The following NALCN variants were observed in gnomAD, a reference collection of about 807,000 sequenced individuals.
The protein encoded by NALCN is sodium leak channel NALCN.
NALCN carries 111 observed loss-of-function variants against 225.3 expected under a neutral mutation model. That is an observed-to-expected ratio of 0.49 (90% CI 0.42 to 0.58). The LOEUF is 0.58. Among genes scored for constraint, NALCN ranks in the 20% least tolerant of loss-of-function variants. NALCN has a pLI of 0.00. For synonymous variants in NALCN, 764 were observed against 769.0 expected, an observed-to-expected ratio of 0.99 and a Z score of 0.11; for missense variants, 1,378 against 2,202.4, an observed-to-expected ratio of 0.63 and a Z score of 7.49.
intron 17 of NALCN, among the ~76,000 whole-genome samples, chr13:101,134,415 T>C (rs1052887156): frequency 6.6e-6 from 1 of 152,256 alleles, no homozygotes; most frequent in African/African-American, 2.4e-5. Context: ...TCCAATAGAT[T>C]GTAAACTCCT....
chr13:101,228,840 C>T (rs563319588), intron 13 of NALCN, among the ~76,000 whole-genome samples: 2 of 151,892 alleles, frequency 1.3e-5, no homozygotes, highest in Non-Finnish European at 2.9e-5. Flanking sequence ...ATTTCAAGGT[C>T]CTTCTGGTTA....
chr13:101,345,412 G>A lies in NALCN; in HGVS notation c.653C>T (p.Thr218Ile). 1 of 1,612,364 alleles carries A rather than the reference G, an allele frequency of 6.2e-7. No homozygotes were observed. The change falls in exon 7 of 44, where the codon ACC (threonine) becomes ATC (isoleucine). Residue 218 changes from threonine (T) to isoleucine (I), a missense_variant. By Grantham distance (89) the Thr-to-Ile change is moderately conservative. Around this residue, in one of 19 missense-constraint regions of NALCN, gnomAD observed 67 missense variants for 82.1 expected, o/e 0.82. Transcript: ENST00000251127. ...VVNDTKPGNVTWNSLAIPDTH... is the reference protein window; with the variant it reads ...VVNDTKPGNVIWNSLAIPDTH... ...GTCTGGAATAGCTAAACTATTCCAG[G>A]TTACATTCCTGTGAACAACACATGA...
intron 15 of NALCN, among the ~76,000 whole-genome samples, chr13:101,160,106 C>A (rs1423420676): frequency 1.3e-5 from 2 of 152,050 alleles, no homozygotes; most frequent in Non-Finnish European, 2.9e-5. Context: ...AGGTACACAC[C>A]ACCATGCCTG....
chr13:101,185,907 T>A (rs1455437522), intron 14 of NALCN, among the ~76,000 whole-genome samples: 1 of 152,240 alleles, frequency 6.6e-6, no homozygotes, highest in Non-Finnish European at 1.5e-5. Flanking sequence ...TTTTTTCCCT[T>A]CTCACCCATT....
intron 3 of NALCN, among the ~76,000 whole-genome samples, chr13:101,392,009 A>C (rs763836968): frequency 2.6e-5 from 4 of 151,650 alleles, no homozygotes; most frequent in South Asian, 2.1e-4. Context: ...AAAAACAAAA[A>C]AAAAACAAAA....
intron 15 of NALCN, among the ~76,000 whole-genome samples, chr13:101,160,457 A>AAT (rs1409544791): frequency 6.6e-6 from 1 of 152,150 alleles, no homozygotes; most frequent in East Asian, 1.9e-4. Flanking sequence ...ATACTCCCTC[A>AAT]GGACCCTACA....
At chr13:101,248,864 G>A (rs966052384) in intron 11 of NALCN, among the ~76,000 whole-genome samples, 1 of 152,088 alleles carries the variant, frequency 6.6e-6, no homozygotes, top group African/African-American at 2.4e-5. Flanking sequence ...TATCAAACTT[G>A]AGAAGGCTAG....
intron 25 of NALCN, among the ~76,000 whole-genome samples, chr13:101,103,926 G>C (rs1282353346): frequency 6.6e-6 from 1 of 152,030 alleles, no homozygotes; most frequent in Non-Finnish European, 1.5e-5. Flanking sequence ...AGCAATAAGG[G>C]GCTCATAATC....
chr13:101,195,466 C>T (rs2039851424), intron 13 of NALCN, among the ~76,000 whole-genome samples: 1 of 152,182 alleles, frequency 6.6e-6, no homozygotes, highest in Admixed American at 6.5e-5. Flanking sequence ...CATGATTAGA[C>T]ATAAATTTAC....
intron 11 of NALCN, among the ~76,000 whole-genome samples, chr13:101,252,081 A>G (rs1356830479): frequency 6.6e-6 from 1 of 152,210 alleles, no homozygotes; most frequent in African/African-American, 2.4e-5. Flanking sequence ...TGTTATTGCC[A>G]CAAATTTTAG....
chr13:101,189,269 G>A (rs1365791600), intron 14 of NALCN, among the ~76,000 whole-genome samples: 1 of 152,014 alleles, frequency 6.6e-6, no homozygotes, highest in African/African-American at 2.4e-5. Flanking sequence ...GTATAGGGAA[G>A]GAGAGAAAGA....
chr13:101,258,338 G>A, intron 11 of NALCN, 105 bp downstream of exon 11: 2 of 1,463,610 alleles, frequency 1.4e-6, no homozygotes, highest in Non-Finnish European at 1.8e-6. Flanking sequence ...TTTGGTGAAA[G>A]TCAAGTAATG....
intron 7 of NALCN, among the ~76,000 whole-genome samples, chr13:101,307,987 T>G (rs867058086): frequency 6.6e-6 from 1 of 152,226 alleles, no homozygotes; most frequent in Non-Finnish European, 1.5e-5. Flanking sequence ...GTGTACCTTT[T>G]GGATATTCCA....
chr13:101,247,488 A>G (rs1305202960), intron 11 of NALCN, among the ~76,000 whole-genome samples: 1 of 152,172 alleles, frequency 6.6e-6, no homozygotes, highest in Non-Finnish European at 1.5e-5. Flanking sequence ...AAAATCTCCC[A>G]AGCCAAATGA....
At chr13:101,302,959 T>C (rs1228759389) in intron 7 of NALCN, among the ~76,000 whole-genome samples, 1 of 152,164 alleles carries the variant, frequency 6.6e-6, no homozygotes, top group Non-Finnish European at 1.5e-5. Flanking sequence ...TCATTTTTCA[T>C]GTATTAAGTT....
chr13:101,213,805 A>G (rs996302042), intron 13 of NALCN, among the ~76,000 whole-genome samples: 1 of 152,152 alleles, frequency 6.6e-6, no homozygotes, highest in Non-Finnish European at 1.5e-5. Flanking sequence ...CAGGTGCTGG[A>G]GGCATATAGA....
At chr13:101,208,295 GGCCA>G (rs2040397691) in intron 13 of NALCN, among the ~76,000 whole-genome samples, 1 of 151,170 alleles carries the variant, frequency 6.6e-6, no homozygotes, top group Non-Finnish European at 1.5e-5. Flanking sequence ...TCACTCCTGA[GGCCA>G]GCGAGACCAG....
At chr13:101,060,275 G>GTTTTTTGTTTTT (rs2031762575) in intron 41 of NALCN, among the ~76,000 whole-genome samples, 1 of 79,854 alleles carries the variant, frequency 1.3e-5, no homozygotes, top group African/African-American at 5.1e-5. Context: ...GGTGTTTTCT[G>GTTTTTTGTTTTT]TTTTTTTTTT....
chr13:101,140,509 T>C (rs1396941910), intron 17 of NALCN, among the ~76,000 whole-genome samples: 1 of 152,364 alleles, frequency 6.6e-6, no homozygotes, highest in East Asian at 1.9e-4. Flanking sequence ...AAATCAGCTC[T>C]CTATCCTCTT....
Sources: gnomAD v4.1 joint callset for allele counts (sites outside exome capture counted in the v4.1 genomes callset) on GRCh38, gnomAD v4.1.1 for gene constraint, gnomAD v4.1.1 regional missense constraint, MANE v1.5 for transcripts, NCBI Gene and HGNC (gene_info 2026-07-23, HGNC 2026-07-21) for gene names.